PTPRD: variants seen among roughly 807,000 people sequenced by gnomAD.
PTPRD encodes the protein receptor-type tyrosine-protein phosphatase delta.
In PTPRD, 34 loss-of-function variants were observed where a neutral mutation model predicts 214.5. The observed-to-expected ratio is 0.16, with a 90% CI of 0.12 to 0.21. The LOEUF is 0.21. Among genes scored for constraint, PTPRD ranks in the 10% least tolerant of loss-of-function variants. PTPRD has a pLI of 1.00. For missense variants in PTPRD, 2,545 were observed against 2,398.7 expected (o/e 1.06, Z -1.27); for synonymous variants, 1,128 against 845.7 (o/e 1.33, Z -5.79).
intron 42 of PTPRD, 145 bp from the exon 43 acceptor site, chr9:8,339,192 C>G: frequency 3.6e-6 from 3 of 827,102 alleles, no homozygotes; most frequent in Non-Finnish European, 5.2e-6. Context: ...GCATATGACT[C>G]ATTTCCTCTT....
At chr9:10,026,655 C>T (rs187465749) in intron 4 of PTPRD, among the ~76,000 whole-genome samples, 3 of 152,244 alleles carry the variant, frequency 2.0e-5, no homozygotes, top group African/African-American at 7.2e-5. Flanking sequence ...TAGAGGAGCA[C>T]TGTCAGTAAT....
chr9:10,230,051 T>C (rs1286730876), intron 3 of PTPRD, among the ~76,000 whole-genome samples: 1 of 152,002 alleles, frequency 6.6e-6, no homozygotes, highest in Non-Finnish European at 1.5e-5. Context: ...ATTAATACCT[T>C]TCATGTATAA....
intron 2 of PTPRD, among the ~76,000 whole-genome samples, chr9:10,491,295 C>T (rs1275278515): frequency 6.6e-6 from 1 of 152,006 alleles, no homozygotes; most frequent in Non-Finnish European, 1.5e-5. Context: ...ACAAGACCAC[C>T]TTTCTTTTCA....
chr9:9,671,660 T>C (rs1183556770), intron 7 of PTPRD, among the ~76,000 whole-genome samples: 2 of 152,132 alleles, frequency 1.3e-5, no homozygotes, highest in African/African-American at 4.8e-5. Flanking sequence ...GTTCTCATGG[T>C]AGTGAATAAA....
chr9:10,247,294 G>T (rs2154366717), intron 3 of PTPRD, among the ~76,000 whole-genome samples: 1 of 152,146 alleles, frequency 6.6e-6, no homozygotes, highest in Admixed American at 6.6e-5. Context: ...AATCAAAAAT[G>T]ATTAAGATCC....
chr9:9,214,163 C>T (rs964160151), intron 9 of PTPRD, among the ~76,000 whole-genome samples: 5 of 152,236 alleles, frequency 3.3e-5, no homozygotes, highest in East Asian at 3.9e-4. Context: ...GTATCCGGGA[C>T]ATTTGTTGAT....
At chr9:9,395,181 A>T (rs2067315833) in intron 9 of PTPRD, among the ~76,000 whole-genome samples, 1 of 137,900 alleles carries the variant, frequency 7.3e-6, no homozygotes. Context: ...TCCCAGGAAC[A>T]TGAAACAAAA....
At chr9:8,590,669 A>T (rs766025620) in intron 14 of PTPRD, among the ~76,000 whole-genome samples, 5 of 152,314 alleles carry the variant, frequency 3.3e-5, no homozygotes, top group African/African-American at 9.6e-5. Flanking sequence ...GAATTCTTAA[A>T]ATGTTTCTTT....
At chr9:8,855,011 G>C (rs930635524) in intron 11 of PTPRD, among the ~76,000 whole-genome samples, 1 of 152,070 alleles carries the variant, frequency 6.6e-6, no homozygotes, top group Non-Finnish European at 1.5e-5. Context: ...CATAGTGCCA[G>C]AGAAGCCCTA....
At position 8,329,198 on chromosome 9, in the gene PTPRD, C is replaced by T. The variant is rs896590700; in HGVS notation, c.5534+2384G>A. 3.9e-5 allele frequency among the ~76,000 whole-genome samples: 6 copies of T among 152,054 alleles called. No individual in the cohort carries two copies. The South Asian group carries it at 1.0e-3, about 26-fold the overall frequency. Reference sequence around the variant, plus strand: ...ACCTTTGACCTTTGATGATGGTGACCTTCAGATGGGGTCTCTGGGTGGACG... The same window carrying T: ...ACCTTTGACCTTTGATGATGGTGACTTTCAGATGGGGTCTCTGGGTGGACG... On this transcript the variant is annotated intron_variant, in intron 44 of 45. Coordinates refer to ENST00000381196, the MANE Select transcript of PTPRD (RefSeq NM_002839.4).
At chr9:8,988,829 C>T (rs1358862130) in intron 11 of PTPRD, among the ~76,000 whole-genome samples, 2 of 151,992 alleles carry the variant, frequency 1.3e-5, no homozygotes, top group African/African-American at 4.8e-5. Flanking sequence ...CAAGGAGACA[C>T]CAATCTTTTC....
At position 9,412,825 on chromosome 9, in the gene PTPRD, A is replaced by G. The variant is rs535344608; in HGVS notation, c.-236-15343T>C. On this transcript the variant is annotated intron_variant, in intron 8 of 45. Coordinates refer to ENST00000381196, the MANE Select transcript of PTPRD (RefSeq NM_002839.4). Reference sequence around the variant, plus strand: ...TCTAATAAATTATGGGCTCTGGTGAACCAATATGTTAGCAATTTCTGGGGC... The same window carrying G: ...TCTAATAAATTATGGGCTCTGGTGAGCCAATATGTTAGCAATTTCTGGGGC... Among the ~76,000 whole-genome samples, 8 of 152,212 alleles carry G rather than the reference A, an allele frequency of 5.3e-5. No individual in the cohort carries two copies. The South Asian group carries it at 1.0e-3, about 20-fold the overall frequency.
At chr9:10,363,287 A>G (rs1444086256) in intron 2 of PTPRD, among the ~76,000 whole-genome samples, 2 of 152,254 alleles carry the variant, frequency 1.3e-5, no homozygotes, top group Non-Finnish European at 2.9e-5. Context: ...CTCTTTGAGT[A>G]TCAAAGTCTT....
intron 11 of PTPRD, among the ~76,000 whole-genome samples, chr9:8,848,018 A>C (rs1454857073): frequency 1.3e-5 from 2 of 152,010 alleles, no homozygotes; most frequent in Non-Finnish European, 2.9e-5. Context: ...CCTGTTGGGC[A>C]GCTATGAAAA....
intron 11 of PTPRD, among the ~76,000 whole-genome samples, chr9:9,005,547 G>A (rs980369283): frequency 6.6e-6 from 1 of 151,850 alleles, no homozygotes; most frequent in African/African-American, 2.4e-5. Flanking sequence ...ATTTAAAAAG[G>A]GGCCTGCAAT....
chr9:10,007,168 A>C (rs115329181), intron 4 of PTPRD, among the ~76,000 whole-genome samples: 4,183 of 152,094 alleles, frequency 0.028, 78 homozygotes, highest in Middle Eastern at 0.095. Context: ...TCCAGGATTC[A>C]AATGTAGGTG....
intron 8 of PTPRD, among the ~76,000 whole-genome samples, chr9:9,465,614 G>A (rs1033554649): frequency 6.6e-6 from 1 of 152,182 alleles, no homozygotes; most frequent in Non-Finnish European, 1.5e-5. Context: ...CCAAATTCCT[G>A]ATTTTTGAGA....
intron 10 of PTPRD, among the ~76,000 whole-genome samples, chr9:9,075,224 T>C (rs1569529460): frequency 1.3e-5 from 2 of 152,062 alleles, no homozygotes; most frequent in Admixed American, 6.6e-5. Flanking sequence ...TCCAGGCATA[T>C]GATGCATAAT....
intron 2 of PTPRD, among the ~76,000 whole-genome samples, chr9:10,534,492 G>A (rs2057271044): frequency 6.6e-6 from 1 of 152,140 alleles, no homozygotes; most frequent in Non-Finnish European, 1.5e-5. Context: ...AAAAGCAATG[G>A]TTTTGATATG....
Sources: gnomAD v4.1 joint callset for allele counts (sites outside exome capture counted in the v4.1 genomes callset) on GRCh38, gnomAD v4.1.1 for gene constraint, MANE v1.5 for transcripts, NCBI Gene and HGNC (gene_info 2026-07-23, HGNC 2026-07-21) for gene names.